The following GALNT15 variants were observed in gnomAD, a reference collection of about 807,000 sequenced individuals.
The protein encoded by GALNT15 is polypeptide N-acetylgalactosaminyltransferase 15.
In GALNT15, 67 loss-of-function variants were observed where a neutral mutation model predicts 66.8. The observed-to-expected ratio is 1.00, with a 90% confidence interval of 0.82 to 1.23. The LOEUF is 1.23. Among genes scored for constraint, GALNT15 ranks in the 50% most tolerant of loss-of-function variants. The pLI is 0.00. For synonymous variants in GALNT15, 313 were observed against 311.5 expected (o/e 1.00, Z -0.05); for missense variants, 827 against 804.3 (o/e 1.03, Z -0.34).
rs2063787841 is a variant in GALNT15, at chr3:16,209,278, G to A, written c.1079+608G>A. Among the ~76,000 whole-genome samples the A allele has an allele frequency of 6.6e-6, 1 of 152,174 alleles. No individual in the cohort carries two copies. Among genetic ancestry groups the A allele is most frequent in the South Asian group, 2.1e-4 (1 of 4,830 alleles). ...TAAGCTCATGAATTCTGTGGGATAT[G>A]AATTCTGAAAGGACACAGTGGGGTT... On this transcript the variant is annotated intron_variant, in intron 4 of 9. Transcript: ENST00000339732. The surrounding 1 kb of genome is among the most constrained non-coding windows in gnomAD (Gnocchi z 4.1).
the GALNT15 span, among the ~76,000 whole-genome samples, chr3:16,247,340 T>G: frequency 6.6e-6 from 1 of 152,186 alleles, no homozygotes; most frequent in Non-Finnish European, 1.5e-5. Flanking sequence ...CAAGGTGATT[T>G]TCATCATGTC....
In GALNT15 at chr3:16,175,349, T is replaced by C. The variant is rs1254008432; in HGVS notation, c.198T>C (p.Asp66=). The C allele has an allele frequency of 1.1e-5, 17 of 1,614,000 alleles. No individual in the cohort carries two copies. Among genetic ancestry groups the C allele is most frequent in the Admixed American group, 1.7e-5 (1 of 60,012 alleles). The change falls in exon 1 of 10, where the codon GAT becomes GAC. Residue 66 remains aspartate (D), a synonymous_variant. Transcript: ENST00000339732. The surrounding 1 kb of genome is among the most constrained non-coding windows in gnomAD (Gnocchi z 5.6). The part of the protein sequence containing the change: ...RYRLDFGESQ[D]WVLEAEDEGE... ...GCCTGGACTTTGGGGAATCCCAGGATTGGGTACTGGAAGCTGAGGATGAGG... is the reference window on the plus strand; with the variant it reads ...GCCTGGACTTTGGGGAATCCCAGGACTGGGTACTGGAAGCTGAGGATGAGG...
intron 4 of GALNT15, 150 bp from the exon 5 acceptor site, chr3:16,210,974 A>T: frequency 1.7e-6 from 1 of 599,806 alleles, no homozygotes; most frequent in South Asian, 1.9e-5. Context: ...GCTCTGCTCC[A>T]GTCTTGCAAT....
chr3:16,241,481 T>C, the GALNT15 span, among the ~76,000 whole-genome samples: 1 of 152,226 alleles, frequency 6.6e-6, no homozygotes. This position sits in a 1 kb window ranked among gnomAD's most constrained non-coding sequence, Gnocchi z 4.6. Context: ...CCCACTGCAC[T>C]GTTCCAGTTA....
intron 6 of GALNT15, among the ~76,000 whole-genome samples, chr3:16,217,512 A>G (rs1408996938): frequency 6.6e-6 from 1 of 152,244 alleles, no homozygotes; most frequent in Non-Finnish European, 1.5e-5. Context: ...TTAAATAACC[A>G]AAAGTTAATT....
rs1446666343 is a variant in GALNT15 at position 16,228,088 on chromosome 3, A to C, written c.*588A>C. The C allele has an allele frequency of 1.0e-6, 1 of 986,028 alleles. No individual in the cohort carries two copies. Among genetic ancestry groups the C allele is most frequent in the African/African-American group, 1.7e-5 (1 of 57,236 alleles). The allele number at this position is 986,028 out of a possible 1,614,324, so 61.1% of individuals were successfully genotyped here. A position where few individuals can be genotyped will look rare whatever the true frequency, so the allele number is the denominator to read the frequency against. ...GAAGATGCAAGAGCACTTTGGCCCAATTCTCCAGCTCAACCCAGCAGCTGA... is the reference window on the plus strand; with the variant it reads ...GAAGATGCAAGAGCACTTTGGCCCACTTCTCCAGCTCAACCCAGCAGCTGA... On this transcript the variant is annotated 3_prime_UTR_variant, in exon 10 of 10. Coordinates refer to ENST00000339732, the MANE Select transcript of GALNT15 (RefSeq NM_054110.5).
In GALNT15 at chr3:16,204,416, C is replaced by G. The variant is rs1021477522; in HGVS notation, c.911+3593C>G. On this transcript the variant is annotated intron_variant, in intron 3 of 9. Transcript: ENST00000339732. The surrounding 1 kb of genome is among the most constrained non-coding windows in gnomAD (Gnocchi z 4.5). Reference sequence around the variant, plus strand: ...AGATGTTCTCTTGGGTTGCACAGTGCGCAACTCCTGTAACTGTTCATAGCA... The same window carrying G: ...AGATGTTCTCTTGGGTTGCACAGTGGGCAACTCCTGTAACTGTTCATAGCA... 2.6e-5 allele frequency among the ~76,000 whole-genome samples: 4 copies of G among 152,152 alleles called. No homozygotes were observed. The highest frequency in any genetic ancestry group is 6.5e-5 in the Admixed American group (1 of 15,272).
At chr3:16,201,476 T>C (rs1218854383) in intron 3 of GALNT15, among the ~76,000 whole-genome samples, 3 of 152,200 alleles carry the variant, frequency 2.0e-5, no homozygotes, top group South Asian at 2.1e-4. Flanking sequence ...CCACCGCGCC[T>C]GGCCGAAAAT....
intron 3 of GALNT15, among the ~76,000 whole-genome samples, chr3:16,201,207 C>A (rs551207530): frequency 4.4e-4 from 66 of 150,308 alleles, no homozygotes; most frequent in African/African-American, 1.4e-3. Context: ...TTTGTGATGG[C>A]GTCTCGCTCT....
chr3:16,241,254 C>A, the GALNT15 span, among the ~76,000 whole-genome samples: 1 of 152,178 alleles, frequency 6.6e-6, no homozygotes, highest in African/African-American at 2.4e-5. This position sits in a 1 kb window ranked among gnomAD's most constrained non-coding sequence, Gnocchi z 4.6. Context: ...TCTTGACAGG[C>A]ACGTAATACA....
rs185840560 is a variant in GALNT15 at position 16,180,615 on chromosome 3, G to A, written c.539+4925G>A. 6.6e-6 allele frequency among the ~76,000 whole-genome samples: 1 copy of A among 152,224 alleles called. No homozygotes were observed. The highest frequency in any genetic ancestry group is 2.4e-5 in the African/African-American group (1 of 41,460). On this transcript the variant is annotated intron_variant, in intron 1 of 9. Transcript: ENST00000339732. The surrounding 1 kb of genome is among the most constrained non-coding windows in gnomAD (Gnocchi z 5.0). ...AATTTTTTTAAGCTGATGCTAGATAGTCTGGGGAACTACTGGTAGAGAAAG... is the reference window on the plus strand; with the variant it reads ...AATTTTTTTAAGCTGATGCTAGATAATCTGGGGAACTACTGGTAGAGAAAG...
At chr3:16,241,788 T>C in the GALNT15 span, among the ~76,000 whole-genome samples, 1 of 152,160 alleles carries the variant, frequency 6.6e-6, no homozygotes, top group Non-Finnish European at 1.5e-5. The surrounding 1 kb of genome is among the most constrained non-coding windows in gnomAD (Gnocchi z 4.6). Context: ...CCTCAGGTGA[T>C]CCACTCACCT....
rs1410096191 is a variant in GALNT15 at position 16,209,031 on chromosome 3, T to A, written c.1079+361T>A. ...ACCTGAGATGGAATCTTGGCCCAGC[T>A]CTCTCATCAGGTACAGTGTGAATTC... On this transcript the variant is annotated intron_variant, in intron 4 of 9. Coordinates refer to ENST00000339732, the MANE Select transcript of GALNT15 (RefSeq NM_054110.5). This position sits in a 1 kb window ranked among gnomAD's most constrained non-coding sequence, Gnocchi z 4.1. Among the ~76,000 whole-genome samples the A allele has an allele frequency of 6.6e-6, 1 of 152,164 alleles. No individual in the cohort carries two copies. The highest frequency in any genetic ancestry group is 1.5e-5 in the Non-Finnish European group (1 of 68,020).
In GALNT15 at chr3:16,200,596, GA is replaced by G; in HGVS notation, c.707-22del. 6.7e-7 allele frequency: 1 copy of G among 1,485,074 alleles called. No individual in the cohort carries two copies. Among genetic ancestry groups the G allele is most frequent in the African/African-American group, 1.4e-5 (1 of 70,256 alleles). 92.0% of individuals were successfully genotyped at this position (1,485,074 alleles called of 1,614,324 possible). A position where few individuals can be genotyped will look rare whatever the true frequency, so the allele number is the denominator to read the frequency against. On this transcript the variant is annotated intron_variant, in intron 2 of 9. Transcript: ENST00000339732. This position sits in a 1 kb window ranked among gnomAD's most constrained non-coding sequence, Gnocchi z 4.4. ...CGGTTGTGGCATTTGTCATTCCACTGACCACAACCCTGTTGATTCCAGGACA... is the reference window on the plus strand; with the variant it reads ...CGGTTGTGGCATTTGTCATTCCACTGCCACAACCCTGTTGATTCCAGGACA...
chr3:16,231,904 A>T (rs1197393542), downstream of GALNT15: 1 of 1,535,620 alleles, frequency 6.5e-7, no homozygotes, highest in East Asian at 2.4e-5. This position sits in a 1 kb window ranked among gnomAD's most constrained non-coding sequence, Gnocchi z 4.1. Context: ...GAGATCCTCA[A>T]GAAGGCACTG....
At chr3:16,192,048 C>T (rs909904005) in intron 1 of GALNT15, among the ~76,000 whole-genome samples, 3 of 152,140 alleles carry the variant, frequency 2.0e-5, no homozygotes, top group Admixed American at 6.5e-5. Context: ...GTTACCCTTA[C>T]CTTCCAAATG....
Position 16,229,187 on chromosome 3 carries a change from C to T in GALNT15, c.*1687C>T, listed in dbSNP as rs2064055490. ...GAAGTGCAGTGTTTCCAAACAATACCTATCATAACTACGTATTCATTGTCT... is the reference window on the plus strand; with the variant it reads ...GAAGTGCAGTGTTTCCAAACAATACTTATCATAACTACGTATTCATTGTCT... On this transcript the variant is annotated 3_prime_UTR_variant, in exon 10 of 10. Coordinates refer to ENST00000339732, the MANE Select transcript of GALNT15 (RefSeq NM_054110.5). The T allele has an allele frequency of 1.0e-6, 1 of 985,068 alleles. No homozygotes were observed. Among genetic ancestry groups the T allele is most frequent in the Non-Finnish European group, 1.2e-6 (1 of 829,766 alleles). 61.0% of individuals were successfully genotyped at this position (985,068 alleles called of 1,614,324 possible).
chr3:16,241,797 C>G, the GALNT15 span, among the ~76,000 whole-genome samples: 1 of 152,168 alleles, frequency 6.6e-6, no homozygotes, highest in Non-Finnish European at 1.5e-5. The surrounding 1 kb of genome is among the most constrained non-coding windows in gnomAD (Gnocchi z 4.6). Flanking sequence ...ATCCACTCAC[C>G]TCGGCCTCCC....
rs1421479008 is a variant in GALNT15, at chr3:16,175,723, C to T, written c.539+33C>T. 3.3e-6 allele frequency: 5 copies of T among 1,517,880 alleles called. No individual in the cohort carries two copies. In the African/African-American group the frequency reaches 7.0e-5, roughly 21 times the overall value. 94.0% of individuals were successfully genotyped at this position (1,517,880 alleles called of 1,614,324 possible). A position where few individuals can be genotyped will look rare whatever the true frequency, so the allele number is the denominator to read the frequency against. On this transcript the variant is annotated intron_variant, in intron 1 of 9. Coordinates refer to ENST00000339732, the MANE Select transcript of GALNT15 (RefSeq NM_054110.5). This position sits in a 1 kb window ranked among gnomAD's most constrained non-coding sequence, Gnocchi z 5.6. ...AGGCCCTTGTTTTCCCTTCCCTGAT[C>T]CCAGGGCATGATCGGGTGGTAGCAA...
Sources: allele counts gnomAD v4.1 joint callset (sites outside exome capture counted in the v4.1 genomes callset), GRCh38; gene constraint gnomAD v4.1.1; non-coding constraint Gnocchi (gnomAD v3.1); transcripts MANE v1.5; gene names NCBI Gene and HGNC (gene_info 2026-07-23, HGNC 2026-07-21).